Variants in DST observed in about 807,000 individuals in gnomAD.
The protein encoded by DST is dystonin.
In DST, 253 loss-of-function variants were observed where a neutral mutation model predicts 875.2. The observed-to-expected ratio is 0.29, with a 90% CI of 0.26 to 0.32. The LOEUF (loss-of-function observed/expected upper bound fraction) is 0.32. Among genes scored for constraint, DST ranks in the 10% least tolerant of loss-of-function variants. DST has a pLI of 1.00. For synonymous variants in DST, 3,124 were observed against 3,197.1 expected (o/e 0.98, Z 0.77); for missense variants, 8,287 against 9,111.6 (o/e 0.91, Z 3.68).
At chr6:56,486,468 AC>A (rs1378591366) in intron 87 of DST, among the ~76,000 whole-genome samples, 1 of 150,620 alleles carries the variant, frequency 6.6e-6, no homozygotes, top group Non-Finnish European at 1.5e-5. Context: ...CTTGATACTG[AC>A]AAAAATCATT....
rs149872890 is a variant in DST at position 56,566,806 on chromosome 6, T to A, written c.14005+1663A>T. On this transcript the variant is annotated intron_variant, in intron 55 of 103. Coordinates refer to ENST00000680361, the MANE Select transcript of DST (RefSeq NM_001374736.1). ...AAGATTGAAAATTGTCTGGTGCAGT[T>A]ACATGGTGTTATCATGGGCTTAATG... Among the ~76,000 whole-genome samples the A allele has an allele frequency of 2.6e-3, 393 of 152,342 alleles. 2 individuals are homozygous for A. The highest frequency in any genetic ancestry group is 4.0e-3 in the East Asian group (21 of 5,194).
At chr6:56,687,381 T>C (rs1180003767) in intron 9 of DST, among the ~76,000 whole-genome samples, 1 of 152,178 alleles carries the variant, frequency 6.6e-6, no homozygotes, top group Non-Finnish European at 1.5e-5. Context: ...GGTAGGAAGA[T>C]TGGTGCAAAG....
At position 56,670,657 on chromosome 6, in the gene DST, T is replaced by C; in HGVS notation, c.1198A>G (p.Ile400Val). ...CWRDGKLFNAIIHKYRPDLID... is the reference protein window; with the variant it reads ...CWRDGKLFNAVIHKYRPDLID... The stretch of plus-strand genomic sequence containing the variant: ...ATTCCATACCTGTATTTATGAATGA[T>C]GGCATTAAATAATTTTCCATCTCTC... The change falls in exon 10 of 104, where the codon ATC (isoleucine) becomes GTC (valine). Residue 400 changes from isoleucine to valine, a missense_variant. By Grantham distance (29) the Ile-to-Val change is conservative. This residue lies in a region of DST where 1,160 missense variants were observed against 1,424.3 expected (regional missense o/e 0.81). Coordinates refer to ENST00000680361, the MANE Select transcript of DST (RefSeq NM_001374736.1). 1 of 1,587,218 alleles carries C rather than the reference T, an allele frequency of 6.3e-7. No homozygotes were observed.
chr6:56,694,054 C>CAT (rs201647042), intron 9 of DST, among the ~76,000 whole-genome samples: 41 of 144,996 alleles, frequency 2.8e-4, no homozygotes, highest in African/African-American at 3.6e-4. Flanking sequence ...TATATATATA[C>CAT]ATATATATAT....
chr6:56,635,553 G>A lies in DST; in HGVS notation c.3186+36C>T, dbSNP rs754751489. ...ATAAAACACTAATCTAATCACTTAT[G>A]CATACTTATAAAATGCATAGGTTTT... On this transcript the variant is annotated intron_variant, in intron 24 of 103. Coordinates refer to ENST00000680361, the MANE Select transcript of DST (RefSeq NM_001374736.1). 26 of 1,607,200 alleles carry A rather than the reference G, an allele frequency of 1.6e-5. No homozygotes were observed. In the South Asian group the frequency reaches 2.5e-4, roughly 16 times the overall value.
intron 77 of DST, among the ~76,000 whole-genome samples, chr6:56,505,065 A>T (rs1257445055): frequency 6.6e-6 from 1 of 152,190 alleles, no homozygotes; most frequent in Non-Finnish European, 1.5e-5. Context: ...TTAAGTTATC[A>T]TTAGCCAACC....
rs2098933657 is a variant in DST at position 56,644,969 on chromosome 6, A to C, written c.1778+897T>G. Among the ~76,000 whole-genome samples the C allele has an allele frequency of 2.0e-5, 3 of 152,166 alleles. No individual in the cohort carries two copies. In the South Asian group the frequency reaches 6.2e-4, roughly 32 times the overall value. On this transcript the variant is annotated intron_variant, in intron 15 of 103. Transcript: ENST00000680361. ...TAATGAATAAGTCTCAAGAGATCTG[A>C]CGGTTTTGTAAATGGGAGTTCCCCT...
intron 33 of DST, 92 bp downstream of exon 33, chr6:56,627,907 T>A (rs946958109): frequency 1.5e-5 from 19 of 1,260,432 alleles, no homozygotes; most frequent in Non-Finnish European, 2.1e-5. Context: ...AAAGAGTTGG[T>A]GACTTTTTCA....
chr6:56,604,393 C>G lies in DST; in HGVS notation c.10235G>C (p.Ser3412Thr), dbSNP rs1430715620. 1.2e-6 allele frequency: 2 copies of G among 1,611,530 alleles called. No individual in the cohort carries two copies. Among genetic ancestry groups the G allele is most frequent in the Admixed American group, 1.7e-5 (1 of 59,662 alleles). The change falls in exon 40 of 104, where the codon AGT becomes ACT. Residue 3412 changes from serine (S) to threonine (T), a missense_variant. By Grantham distance (58) the Ser-to-Thr change is moderately conservative. Around this residue, in one of 10 missense-constraint regions of DST, gnomAD observed 3,138 missense variants for 3,116.6 expected, o/e 1.01. Coordinates refer to ENST00000680361, the MANE Select transcript of DST (RefSeq NM_001374736.1). ...CATGGGGGAAACTCCAGAAGAGTCA[C>G]TCATTTGAGAGTCGCTGGGCACAGT... ...ASTVPSDSQM[S>T]DSSGVSPMTN...
chr6:56,604,739 C>G lies in DST; in HGVS notation c.9889G>C (p.Gly3297Arg). 1 of 1,612,564 alleles carries G rather than the reference C, an allele frequency of 6.2e-7. No homozygotes were observed. Among genetic ancestry groups the G allele is most frequent in the Non-Finnish European group, 8.5e-7 (1 of 1,179,106 alleles). The part of the protein sequence containing the change: ...DFLQSERCAN[G>R]LGNDNSSNTL... ...TTACTGGAGTTATCATTTCCTAATCCATTTGCACACCGCTCCGACTGCAGA... is the reference window on the plus strand; with the variant it reads ...TTACTGGAGTTATCATTTCCTAATCGATTTGCACACCGCTCCGACTGCAGA... The change falls in exon 40 of 104, where the codon GGA (glycine) becomes CGA (arginine). Residue 3297 changes from glycine (G) to arginine (R), a missense_variant. By Grantham distance (125) the Gly-to-Arg change is moderately radical. Around this residue, in one of 10 missense-constraint regions of DST, gnomAD observed 3,138 missense variants for 3,116.6 expected, o/e 1.01. Coordinates refer to ENST00000680361, the MANE Select transcript of DST (RefSeq NM_001374736.1).
intron 4 of DST, among the ~76,000 whole-genome samples, chr6:56,811,668 G>A (rs969394938): frequency 2.0e-5 from 3 of 152,162 alleles, no homozygotes; most frequent in African/African-American, 7.2e-5. Context: ...AACACAAGGT[G>A]ACCTGCCAAA....
chr6:56,615,105 C>G (rs1032496221), intron 36 of DST: 14 of 1,031,388 alleles, frequency 1.4e-5, no homozygotes, highest in Admixed American at 5.1e-5. Flanking sequence ...GAATTTATAT[C>G]TTTCTCTTTG....
chr6:56,818,892 T>C (rs1336085205), intron 4 of DST, among the ~76,000 whole-genome samples: 3 of 152,154 alleles, frequency 2.0e-5, no homozygotes, highest in Non-Finnish European at 4.4e-5. Flanking sequence ...AATTGCTGAA[T>C]AAGAAAGCTT....
intron 49 of DST, among the ~76,000 whole-genome samples, chr6:56,589,421 A>G (rs1021584963): frequency 6.6e-6 from 1 of 152,228 alleles, no homozygotes; most frequent in Non-Finnish European, 1.5e-5. Context: ...ACAGTATTCA[A>G]ATGGGTACCT....
rs1454318893 is a variant in DST, at chr6:56,526,474, T to C, written c.18016A>G (p.Arg6006Gly). The C allele has an allele frequency of 6.2e-7, 1 of 1,613,902 alleles. No individual in the cohort carries two copies. ...ALLELVPWRA[R>G]EGLEKMVAED... ...GCTACCATTTTCTCAAGTCCTTCTC[T>C]TGCCCTCCATGGTACCAGTTCCAGC... Residue 6006 changes from arginine to glycine, a missense_variant, in exon 69 of 104, where the codon AGA (arginine) becomes GGA (glycine). Physicochemically the swap from Arg to Gly is moderately radical, Grantham distance 125. Around this residue, in one of 10 missense-constraint regions of DST, gnomAD observed 777 missense variants for 764.8 expected, o/e 1.02. Transcript: ENST00000680361.
At chr6:56,893,562 C>CTTTTTTTTT (rs1282483681) in intron 3 of DST, among the ~76,000 whole-genome samples, 532 of 35,890 alleles carry the variant, frequency 0.015, 3 homozygotes, top group Middle Eastern at 0.02. Flanking sequence ...ACTTTTAGTT[C>CTTTTTTTTT]TTTTTTTTTT....
intron 66 of DST, 50 bp from the exon 67 acceptor site, chr6:56,528,975 G>T: frequency 8.8e-7 from 1 of 1,138,044 alleles, no homozygotes; most frequent in Non-Finnish European, 1.3e-6. Flanking sequence ...ATTTAAGTTA[G>T]CATTAACATT....
At chr6:56,748,079 C>G (rs903832828) in intron 4 of DST, among the ~76,000 whole-genome samples, 26 of 152,108 alleles carry the variant, frequency 1.7e-4, no homozygotes, top group African/African-American at 6.3e-4. Flanking sequence ...TTTCTTCTTA[C>G]CTTTATGCTA....
chr6:56,866,530 AC>A (rs1420025220), intron 3 of DST, among the ~76,000 whole-genome samples: 1 of 152,204 alleles, frequency 6.6e-6, no homozygotes, highest in African/African-American at 2.4e-5. Flanking sequence ...ACCATGACTT[AC>A]AAGGCCTCCT....
Sources: allele counts gnomAD v4.1 joint callset (sites outside exome capture counted in the v4.1 genomes callset), GRCh38; gene constraint gnomAD v4.1.1; regional missense constraint gnomAD v4.1.1; transcripts MANE v1.5; gene names NCBI Gene and HGNC (gene_info 2026-07-23, HGNC 2026-07-21).